Variants in GPC5 observed in about 807,000 individuals in gnomAD.
GPC5 encodes the protein glypican 5.
In GPC5, 47 loss-of-function variants were observed where a neutral mutation model predicts 53.9. The observed-to-expected ratio is 0.87, with a 90% CI of 0.69 to 1.11. GPC5 has a LOEUF of 1.11. Ranked by LOEUF, GPC5 falls within the 50% of genes most tolerant of loss-of-function variation. GPC5 has a pLI of 0.00. For missense variants in GPC5, 748 were observed against 713.1 expected, an observed-to-expected ratio of 1.05 and a Z score of -0.56; for synonymous variants, 286 against 263.3, an observed-to-expected ratio of 1.09 and a Z score of -0.84.
At chr13:91,585,757 A>G (rs1166754905) in intron 2 of GPC5, among the ~76,000 whole-genome samples, 1 of 152,100 alleles carries the variant, frequency 6.6e-6, no homozygotes, top group Non-Finnish European at 1.5e-5. Context: ...AAATTAGAAT[A>G]TGCACATAGT....
At position 92,838,500 on chromosome 13, in the gene GPC5, G is replaced by GA. The variant is rs1432666973; in HGVS notation, c.1562-27774dup. Among the ~76,000 whole-genome samples the GA allele has an allele frequency of 4.2e-5, 6 of 143,622 alleles. No individual in the cohort carries two copies. In the East Asian group the frequency reaches 1.1e-3, roughly 26 times the overall value. 94.2% of individuals were successfully genotyped at this position (143,622 alleles called of 152,430 possible). ...TCCGCGCCCCCCCCAAAAAAAAAAA[G>GA]AAAAAAAAGAAAGTAAACCTACTCT... On this transcript the variant is annotated intron_variant, in intron 7 of 7. Coordinates refer to ENST00000377067, the MANE Select transcript of GPC5 (RefSeq NM_004466.6).
At chr13:92,652,585 G>T (rs1885992633) in intron 7 of GPC5, among the ~76,000 whole-genome samples, 1 of 152,118 alleles carries the variant, frequency 6.6e-6, no homozygotes, top group Non-Finnish European at 1.5e-5. Context: ...GGCAGATTTG[G>T]ACTGTGTGTC....
intron 2 of GPC5, among the ~76,000 whole-genome samples, chr13:91,686,147 T>C (rs2035618471): frequency 6.6e-6 from 1 of 152,072 alleles, no homozygotes; most frequent in East Asian, 1.9e-4. Flanking sequence ...GTTAGTTGTT[T>C]AGAACTGATT....
chr13:92,094,793 C>G (rs1453049220), intron 6 of GPC5, among the ~76,000 whole-genome samples: 1 of 151,120 alleles, frequency 6.6e-6, no homozygotes, highest in Non-Finnish European at 1.5e-5. Context: ...TATTTTATTC[C>G]AATTCTTTTG....
intron 7 of GPC5, among the ~76,000 whole-genome samples, chr13:92,284,189 G>C (rs534496855): frequency 2.6e-4 from 39 of 152,228 alleles, no homozygotes; most frequent in African/African-American, 9.4e-4. Context: ...ACTAAACCAG[G>C]AAGAAGTTGA....
At chr13:91,611,348 T>G (rs59761133) in intron 2 of GPC5, among the ~76,000 whole-genome samples, 31,474 of 152,094 alleles carry the variant, frequency 0.21, 3,435 homozygotes, top group African/African-American at 0.27. Flanking sequence ...CCCAAGGTCA[T>G]GACTTTAAGT....
intron 5 of GPC5, among the ~76,000 whole-genome samples, chr13:91,851,822 A>G (rs1274588616): frequency 7.1e-6 from 1 of 141,146 alleles, no homozygotes; most frequent in African/African-American, 2.7e-5. Flanking sequence ...CCTACAAAGG[A>G]CATGAAGTCA....
intron 3 of GPC5, among the ~76,000 whole-genome samples, chr13:91,720,843 C>A (rs1019868356): frequency 3.9e-5 from 6 of 152,096 alleles, no homozygotes; most frequent in African/African-American, 1.4e-4. Context: ...CTTTCACTTG[C>A]TATGTTTAAT....
chr13:92,627,064 C>T (rs7334434), intron 7 of GPC5, among the ~76,000 whole-genome samples: 70,052 of 151,972 alleles, frequency 0.46, 16,899 homozygotes, highest in East Asian at 0.69. Flanking sequence ...AAAACATCTT[C>T]CTCTCAATCT....
In GPC5 at chr13:92,470,664, T is replaced by C. The variant is rs78186826; in HGVS notation, c.1561+325675T>C. ...CCACTGCTGAGCAGTAGCTTTCTCA[T>C]TGCAATCATTTCTACACCACCTTTA... is the stretch of plus-strand genomic sequence containing the variant. On this transcript the variant is annotated intron_variant, in intron 7 of 7. Coordinates refer to ENST00000377067, the MANE Select transcript of GPC5 (RefSeq NM_004466.6). Among the ~76,000 whole-genome samples, 465 of 152,288 alleles carry C rather than the reference T, an allele frequency of 3.1e-3. 6 individuals are homozygous for C. Among genetic ancestry groups the C allele is most frequent in the African/African-American group, 0.01 (436 of 41,570 alleles).
intron 5 of GPC5, among the ~76,000 whole-genome samples, chr13:91,844,023 T>C (rs149428502): frequency 1.4e-4 from 22 of 152,210 alleles, no homozygotes; most frequent in African/African-American, 5.3e-4. Context: ...ATAATGTATA[T>C]TTGAGAGTTT....
intron 7 of GPC5, among the ~76,000 whole-genome samples, chr13:92,402,227 A>G (rs1427708657): frequency 6.6e-6 from 1 of 152,182 alleles, no homozygotes; most frequent in Non-Finnish European, 1.5e-5. Flanking sequence ...ATTGAGATCA[A>G]CCGTCACTTA....
chr13:92,015,736 C>A (rs1926489), intron 6 of GPC5, among the ~76,000 whole-genome samples: 59,787 of 151,950 alleles, frequency 0.39, 13,770 homozygotes, highest in East Asian at 0.75. Context: ...TTTCAATCTC[C>A]ATCTATCCCA....
At chr13:92,695,027 T>C (rs1887517727) in intron 7 of GPC5, among the ~76,000 whole-genome samples, 1 of 152,218 alleles carries the variant, frequency 6.6e-6, no homozygotes, top group African/African-American at 2.4e-5. Flanking sequence ...CCTGCTTCTA[T>C]GTAAGAAGTG....
intron 2 of GPC5, among the ~76,000 whole-genome samples, chr13:91,606,846 T>C (rs2033384667): frequency 6.6e-6 from 1 of 152,078 alleles, no homozygotes; most frequent in African/African-American, 2.4e-5. Flanking sequence ...TCTTCTCTCT[T>C]TTTTTCTTTA....
intron 7 of GPC5, among the ~76,000 whole-genome samples, chr13:92,651,137 C>A (rs1159029034): frequency 1.3e-5 from 2 of 151,588 alleles, no homozygotes; most frequent in Non-Finnish European, 2.9e-5. Context: ...ACCTTGTGAT[C>A]TTGTGAGCTA....
At chr13:92,119,567 ATTTTTTTT>A (rs59391576) in intron 6 of GPC5, among the ~76,000 whole-genome samples, 1 of 70,614 alleles carries the variant, frequency 1.4e-5, no homozygotes, top group East Asian at 5.2e-4. Flanking sequence ...CGCCTGGCTA[ATTTTTTTT>A]TTTTTTTTTT....
intron 7 of GPC5, among the ~76,000 whole-genome samples, chr13:92,253,083 C>T (rs1301159992): frequency 6.6e-6 from 1 of 152,018 alleles, no homozygotes; most frequent in African/African-American, 2.4e-5. Context: ...TTAATTGAGC[C>T]TGCTAAGATG....
intron 7 of GPC5, among the ~76,000 whole-genome samples, chr13:92,232,439 T>C (rs1023355033): frequency 3.9e-5 from 6 of 152,238 alleles, no homozygotes; most frequent in South Asian, 4.1e-4. Flanking sequence ...ATCCTTAAAG[T>C]TGAATAAAGG....
Sources: gnomAD v4.1 joint callset for allele counts (sites outside exome capture counted in the v4.1 genomes callset) on GRCh38, gnomAD v4.1.1 for gene constraint, MANE v1.5 for transcripts, NCBI Gene and HGNC (gene_info 2026-07-23, HGNC 2026-07-21) for gene names.